TAFA2: variants seen among roughly 807,000 people sequenced by gnomAD.
The protein encoded by TAFA2 is chemokine-like protein TAFA-2.
In TAFA2, 7 loss-of-function variants were observed where a neutral mutation model predicts 18.8. That is an observed-to-expected ratio of 0.37 (90% CI 0.21 to 0.70). TAFA2 has a LOEUF of 0.70. Ranked by LOEUF, TAFA2 falls within the 30% of genes least tolerant of loss-of-function variation. The pLI, the probability that TAFA2 is intolerant of heterozygous loss-of-function variation, is 0.53. For synonymous variants in TAFA2, 60 were observed against 54.2 expected (o/e 1.11, Z -0.47); for missense variants, 122 against 158.1 (o/e 0.77, Z 1.23).
chr12:62,101,662 A>G (rs1869209746), intron 1 of TAFA2, among the ~76,000 whole-genome samples: 1 of 152,336 alleles, frequency 6.6e-6, no homozygotes, highest in Admixed American at 6.5e-5. Context: ...GTTCTACTTC[A>G]GCACAGTAGG....
chr12:61,946,120 T>G (rs957475348), intron 1 of TAFA2, among the ~76,000 whole-genome samples: 2 of 148,370 alleles, frequency 1.3e-5, no homozygotes, highest in Admixed American at 1.3e-4. Flanking sequence ...TATAGATCAA[T>G]GGAACAGAAC....
intron 2 of TAFA2, among the ~76,000 whole-genome samples, chr12:61,833,864 T>C (rs779261441): frequency 7.9e-5 from 12 of 152,006 alleles, no homozygotes; most frequent in Non-Finnish European, 1.5e-4. Context: ...ATCTCAAACC[T>C]GACTGTGCAT....
At chr12:61,847,872 C>A (rs1873470094) in intron 2 of TAFA2, among the ~76,000 whole-genome samples, 1 of 152,140 alleles carries the variant, frequency 6.6e-6, no homozygotes, top group Admixed American at 6.5e-5. Flanking sequence ...TAGGCTATAA[C>A]TACTATACAA....
intron 1 of TAFA2, among the ~76,000 whole-genome samples, chr12:61,927,459 A>G (rs531904087): frequency 1.3e-5 from 2 of 152,336 alleles, no homozygotes; most frequent in East Asian, 3.9e-4. Context: ...CTTACAAGGG[A>G]TATGAAGGAC....
At chr12:61,850,859 A>G (rs1873613639) in intron 2 of TAFA2, among the ~76,000 whole-genome samples, 2 of 152,210 alleles carry the variant, frequency 1.3e-5, no homozygotes, top group Admixed American at 6.5e-5. Context: ...ATAATGGTAG[A>G]GACTTTTCAA....
chr12:62,222,686 T>A (rs1346588532), intron 1 of TAFA2, among the ~76,000 whole-genome samples: 1 of 151,132 alleles, frequency 6.6e-6, no homozygotes, highest in Non-Finnish European at 1.5e-5. Context: ...TTTTTTTTTT[T>A]TTTATTTTTA....
At chr12:61,836,756 T>TATATACAC (rs68158949) in intron 2 of TAFA2, among the ~76,000 whole-genome samples, 2 of 119,830 alleles carry the variant, frequency 1.7e-5, no homozygotes, top group African/African-American at 5.5e-5. Context: ...TATATATATA[T>TATATACAC]ACACACACAC....
intron 2 of TAFA2, among the ~76,000 whole-genome samples, chr12:61,798,180 T>C (rs1565637626): frequency 6.6e-6 from 1 of 152,208 alleles, no homozygotes; most frequent in Non-Finnish European, 1.5e-5. Flanking sequence ...ATGCTGATCA[T>C]GATCTATTAA....
At chr12:61,734,842 T>C (rs1868278267) in intron 4 of TAFA2, among the ~76,000 whole-genome samples, 1 of 152,010 alleles carries the variant, frequency 6.6e-6, no homozygotes. Context: ...TAACTACCTT[T>C]ATATTATTTT....
chr12:62,030,497 A>C (rs764949099), intron 1 of TAFA2, among the ~76,000 whole-genome samples: 5 of 152,186 alleles, frequency 3.3e-5, no homozygotes, highest in Non-Finnish European at 7.4e-5. Flanking sequence ...AGGCAAGAGC[A>C]TGATCTGAAA....
intron 1 of TAFA2, among the ~76,000 whole-genome samples, chr12:61,975,895 C>A (rs1879416046): frequency 6.6e-6 from 1 of 151,582 alleles, no homozygotes; most frequent in Admixed American, 6.6e-5. Context: ...ACATAAAAAG[C>A]AGAGGGGAGG....
At chr12:62,186,543 T>C (rs963031429) in intron 1 of TAFA2, among the ~76,000 whole-genome samples, 4 of 152,162 alleles carry the variant, frequency 2.6e-5, no homozygotes, top group Non-Finnish European at 4.4e-5. Flanking sequence ...CAAAATCTAC[T>C]GCATAAAGCT....
intron 1 of TAFA2, among the ~76,000 whole-genome samples, chr12:61,886,642 T>C (rs771264342): frequency 9.9e-5 from 15 of 152,226 alleles, no homozygotes; most frequent in Non-Finnish European, 1.8e-4. Context: ...GGTCCACATC[T>C]GTGTCCACTT....
At chr12:62,083,793 G>A (rs1868360391) in intron 1 of TAFA2, among the ~76,000 whole-genome samples, 1 of 152,086 alleles carries the variant, frequency 6.6e-6, no homozygotes, top group Non-Finnish European at 1.5e-5. Context: ...GTGTATTGGA[G>A]TCTTAATAGA....
At chr12:62,068,608 G>C (rs73315608) in intron 1 of TAFA2, among the ~76,000 whole-genome samples, 1,999 of 152,032 alleles carry the variant, frequency 0.013, 50 homozygotes, top group African/African-American at 0.045. Context: ...CATCAGAGGG[G>C]CTCACATTCT....
intron 1 of TAFA2, among the ~76,000 whole-genome samples, chr12:61,938,375 G>T (rs1592500180): frequency 6.6e-6 from 1 of 151,772 alleles, no homozygotes; most frequent in African/African-American, 2.4e-5. Context: ...GATTTGTTAT[G>T]CAGGTAAACT....
chr12:62,148,319 A>G (rs760917652), intron 1 of TAFA2, among the ~76,000 whole-genome samples: 4 of 152,240 alleles, frequency 2.6e-5, no homozygotes, highest in Non-Finnish European at 5.9e-5. Flanking sequence ...GGTGGGTTGG[A>G]TAAAGAAAAT....
At chr12:62,112,052 C>T (rs1431783217) in intron 1 of TAFA2, among the ~76,000 whole-genome samples, 1 of 152,046 alleles carries the variant, frequency 6.6e-6, no homozygotes, top group Non-Finnish European at 1.5e-5. Context: ...GGTTATTTTG[C>T]CCATTAGTTG....
At chr12:62,227,692 T>C (rs1413270846) in intron 1 of TAFA2, among the ~76,000 whole-genome samples, 1 of 152,214 alleles carries the variant, frequency 6.6e-6, no homozygotes, top group Non-Finnish European at 1.5e-5. Flanking sequence ...CAAAATGTCT[T>C]TGCCCAGACC....
Sources: gnomAD v4.1 joint callset for allele counts (sites outside exome capture counted in the v4.1 genomes callset) on GRCh38, gnomAD v4.1.1 for gene constraint, MANE v1.5 for transcripts, NCBI Gene and HGNC (gene_info 2026-07-23, HGNC 2026-07-21) for gene names.